Variants in ZNF804A observed in about 807,000 individuals in gnomAD.
ZNF804A encodes the protein zinc finger protein 804A.
A neutral mutation model predicts 16.5 loss-of-function variants in ZNF804A; 2 were observed. The observed-to-expected ratio is 0.12, with a 90% CI of 0.05 to 0.38. The LOEUF is 0.38. Ranked by LOEUF, ZNF804A falls within the 10% of genes least tolerant of loss-of-function variation. ZNF804A has a pLI of 0.99. For missense variants in ZNF804A, 1,473 were observed against 1,390.7 expected (o/e 1.06, Z -0.94); for synonymous variants, 534 against 489.6 (o/e 1.09, Z -1.20).
At chr2:184,852,716 ATTG>A (rs1360732120) in intron 1 of ZNF804A, among the ~76,000 whole-genome samples, 1 of 151,708 alleles carries the variant, frequency 6.6e-6, no homozygotes, top group Admixed American at 6.6e-5. Context: ...TCCTTTCCCC[ATTG>A]TGTGTACTTG....
intron 2 of ZNF804A, among the ~76,000 whole-genome samples, chr2:184,885,732 A>G (rs1684878444): frequency 6.6e-6 from 1 of 152,198 alleles, no homozygotes; most frequent in African/African-American, 2.4e-5. Context: ...GAGGAACCAA[A>G]GTGGAAAACC....
intron 1 of ZNF804A, among the ~76,000 whole-genome samples, chr2:184,750,992 C>T (rs961103719): frequency 6.6e-6 from 1 of 151,428 alleles, no homozygotes; most frequent in Admixed American, 6.6e-5. Flanking sequence ...CACCCTGTTG[C>T]CACAAATGGA....
At chr2:184,863,822 A>G (rs908975057) in intron 1 of ZNF804A, among the ~76,000 whole-genome samples, 1 of 152,158 alleles carries the variant, frequency 6.6e-6, no homozygotes, top group Non-Finnish European at 1.5e-5. Flanking sequence ...TGACTAATCC[A>G]TAAAGTATTA....
chr2:184,611,354 C>A (rs576211500), intron 1 of ZNF804A, among the ~76,000 whole-genome samples: 1 of 152,082 alleles, frequency 6.6e-6, no homozygotes, highest in Non-Finnish European at 1.5e-5. Context: ...ACCCATACCC[C>A]AAGAATGTAT....
At chr2:184,706,775 A>G (rs1024297617) in intron 1 of ZNF804A, among the ~76,000 whole-genome samples, 2 of 152,224 alleles carry the variant, frequency 1.3e-5, no homozygotes, top group Non-Finnish European at 2.9e-5. Flanking sequence ...TGGTATCCAC[A>G]ATATCCAACT....
intron 2 of ZNF804A, among the ~76,000 whole-genome samples, chr2:184,930,977 G>T (rs1252089300): frequency 6.6e-6 from 1 of 152,188 alleles, no homozygotes; most frequent in Non-Finnish European, 1.5e-5. Flanking sequence ...CACAATCATG[G>T]TGGAAGGTGA....
intron 1 of ZNF804A, among the ~76,000 whole-genome samples, chr2:184,671,877 T>C (rs1574155860): frequency 1.3e-5 from 2 of 152,188 alleles, no homozygotes. Context: ...CCATAGTGTG[T>C]TATTGTTCTT....
At chr2:184,693,601 T>G (rs1181905829) in intron 1 of ZNF804A, among the ~76,000 whole-genome samples, 1 of 152,230 alleles carries the variant, frequency 6.6e-6, no homozygotes, top group East Asian at 1.9e-4. Flanking sequence ...ATTGCTTAAT[T>G]TTGACTTCCA....
chr2:184,800,128 C>G (rs1047762117), intron 1 of ZNF804A, among the ~76,000 whole-genome samples: 12 of 150,410 alleles, frequency 8.0e-5, no homozygotes, highest in African/African-American at 2.9e-4. Flanking sequence ...CTAGTGATGA[C>G]CTCTCATTCA....
At chr2:184,662,331 A>G (rs1574151881) in intron 1 of ZNF804A, among the ~76,000 whole-genome samples, 3 of 152,192 alleles carry the variant, frequency 2.0e-5, no homozygotes, top group East Asian at 3.8e-4. Flanking sequence ...ATAATAGACT[A>G]TATACTTCAT....
intron 2 of ZNF804A, among the ~76,000 whole-genome samples, chr2:184,901,240 A>G (rs1450551740): frequency 6.6e-6 from 1 of 152,260 alleles, no homozygotes; most frequent in Non-Finnish European, 1.5e-5. Context: ...GGAAAAAAAT[A>G]CTTATTGGGA....
intron 1 of ZNF804A, among the ~76,000 whole-genome samples, chr2:184,611,558 G>A (rs936194824): frequency 1.3e-5 from 2 of 152,196 alleles, no homozygotes; most frequent in African/African-American, 4.8e-5. Flanking sequence ...GGGAAGCTTA[G>A]AAATTCTTTT....
intron 1 of ZNF804A, among the ~76,000 whole-genome samples, chr2:184,708,050 A>AT (rs1480101367): frequency 6.6e-6 from 1 of 151,392 alleles, no homozygotes; most frequent in Non-Finnish European, 1.5e-5. Flanking sequence ...GATTTTGATT[A>AT]TTTTTTCATA....
chr2:184,619,648 T>G (rs1190718040), intron 1 of ZNF804A, among the ~76,000 whole-genome samples: 1 of 152,020 alleles, frequency 6.6e-6, no homozygotes, highest in East Asian at 1.9e-4. Context: ...GGTACAGTTA[T>G]TACCTCCATT....
At chr2:184,830,999 A>T (rs1695254815) in intron 1 of ZNF804A, among the ~76,000 whole-genome samples, 1 of 152,096 alleles carries the variant, frequency 6.6e-6, no homozygotes, top group African/African-American at 2.4e-5. Flanking sequence ...TGCTAGAATA[A>T]AGCTCTGCAA....
intron 2 of ZNF804A, among the ~76,000 whole-genome samples, chr2:184,895,508 T>C (rs1685050718): frequency 6.6e-6 from 1 of 152,146 alleles, no homozygotes; most frequent in South Asian, 2.1e-4. Context: ...TAGGTGCTCA[T>C]TAAAACAGAA....
chr2:184,883,774 A>G (rs74495382), intron 2 of ZNF804A, among the ~76,000 whole-genome samples: 4 of 152,132 alleles, frequency 2.6e-5, no homozygotes, highest in South Asian at 2.1e-4. Context: ...AAAACCCTCA[A>G]CAAACCAGGA....
intron 1 of ZNF804A, among the ~76,000 whole-genome samples, chr2:184,711,761 G>A (rs920283531): frequency 6.6e-6 from 1 of 151,280 alleles, no homozygotes; most frequent in Non-Finnish European, 1.5e-5. Context: ...TGTGTTATTG[G>A]CACCCTTGTC....
chr2:184,659,863 C>T (rs540813541), intron 1 of ZNF804A, among the ~76,000 whole-genome samples: 5 of 152,240 alleles, frequency 3.3e-5, no homozygotes, highest in East Asian at 3.9e-4. Context: ...CTGAAGTATA[C>T]GATAGTCAGA....
Sources: allele counts gnomAD v4.1 joint callset (sites outside exome capture counted in the v4.1 genomes callset), GRCh38; gene constraint gnomAD v4.1.1; transcripts MANE v1.5; gene names NCBI Gene and HGNC (gene_info 2026-07-23, HGNC 2026-07-21).